The following HMGCLL1 variants were observed in gnomAD, a reference collection of about 807,000 sequenced individuals.
The protein encoded by HMGCLL1 is 3-hydroxy-3-methylglutaryl-CoA lyase like 1.
A neutral mutation model predicts 39.1 loss-of-function variants in HMGCLL1; 36 were observed. The observed-to-expected ratio is 0.92, with a 90% CI of 0.71 to 1.22. The LOEUF (loss-of-function observed/expected upper bound fraction) is 1.22. HMGCLL1 is among the 50% of genes most tolerant of loss of function. The pLI is 0.00. For synonymous variants in HMGCLL1, 149 were observed against 144.0 expected, an observed-to-expected ratio of 1.03 and a Z score of -0.25; for missense variants, 451 against 416.5, an observed-to-expected ratio of 1.08 and a Z score of -0.72.
At chr6:55,551,919 C>G (rs1770347892) in intron 1 of HMGCLL1, among the ~76,000 whole-genome samples, 1 of 151,894 alleles carries the variant, frequency 6.6e-6, no homozygotes, top group African/African-American at 2.4e-5. Flanking sequence ...AGAATTCTCT[C>G]AGTGCTATAT....
chr6:55,650,098 T>TACACAC, the HMGCLL1 span, among the ~76,000 whole-genome samples: 11 of 23,342 alleles, frequency 4.7e-4, no homozygotes, highest in African/African-American at 2.5e-3. Flanking sequence ...TACATATATA[T>TACACAC]ATATATATAT....
intron 7 of HMGCLL1, among the ~76,000 whole-genome samples, chr6:55,475,912 T>C (rs189304395): frequency 3.6e-4 from 55 of 151,844 alleles, no homozygotes; most frequent in Non-Finnish European, 6.9e-4. Flanking sequence ...TATGTCTGAA[T>C]TTCTTTCTCA....
chr6:55,525,382 C>T (rs1235258518), intron 3 of HMGCLL1, among the ~76,000 whole-genome samples: 2 of 151,928 alleles, frequency 1.3e-5, no homozygotes, highest in Non-Finnish European at 2.9e-5. Flanking sequence ...CTAAATGAAG[C>T]ATGAGTGAAG....
At chr6:55,592,822 T>C in the HMGCLL1 span, among the ~76,000 whole-genome samples, 53 of 152,048 alleles carry the variant, frequency 3.5e-4, no homozygotes, top group Admixed American at 1.3e-3. Flanking sequence ...TGAGACCATT[T>C]GAGCACAGAG....
At chr6:55,570,370 C>G (rs1236927744) in intron 1 of HMGCLL1, among the ~76,000 whole-genome samples, 1 of 152,158 alleles carries the variant, frequency 6.6e-6, no homozygotes, top group Non-Finnish European at 1.5e-5. Flanking sequence ...TCCTGTAACC[C>G]TCTCAAGGAG....
chr6:55,547,449 CT>C (rs147711766), intron 1 of HMGCLL1, among the ~76,000 whole-genome samples: 13 of 151,762 alleles, frequency 8.6e-5, no homozygotes, highest in African/African-American at 2.4e-4. Context: ...ACAAGTACTG[CT>C]TTTTTTTCCC....
chr6:55,650,084 C>CATATATAT, the HMGCLL1 span, among the ~76,000 whole-genome samples: 1 of 48,066 alleles, frequency 2.1e-5, no homozygotes, highest in Non-Finnish European at 4.0e-5. Context: ...TATACACACA[C>CATATATAT]ATATACATAT....
At chr6:55,668,370 T>G in the HMGCLL1 span, among the ~76,000 whole-genome samples, 1 of 151,904 alleles carries the variant, frequency 6.6e-6, no homozygotes, top group African/African-American at 2.4e-5. Flanking sequence ...CCAATAACCT[T>G]TTAAAAGCTT....
chr6:55,478,024 A>G (rs922493448), intron 7 of HMGCLL1, among the ~76,000 whole-genome samples: 1 of 150,628 alleles, frequency 6.6e-6, no homozygotes, highest in African/African-American at 2.5e-5. Context: ...TAACCTATAA[A>G]GCATCTGGGC....
chr6:55,620,047 T>G, the HMGCLL1 span, among the ~76,000 whole-genome samples: 1 of 152,296 alleles, frequency 6.6e-6, no homozygotes, highest in Admixed American at 6.5e-5. Flanking sequence ...AGTACTCCAT[T>G]GTGTATAAGT....
the HMGCLL1 span, among the ~76,000 whole-genome samples, chr6:55,616,807 CATT>C: frequency 1.3e-5 from 2 of 151,810 alleles, no homozygotes; most frequent in South Asian, 4.2e-4. Flanking sequence ...AAGAATAAAA[CATT>C]ATGAAACTTA....
intron 7 of HMGCLL1, among the ~76,000 whole-genome samples, chr6:55,453,717 G>C (rs1302841403): frequency 6.6e-6 from 1 of 152,190 alleles, no homozygotes; most frequent in Non-Finnish European, 1.5e-5. Flanking sequence ...TAGAAAATTA[G>C]TGCAATACAT....
At chr6:55,490,835 T>C (rs1295329156) in intron 7 of HMGCLL1, among the ~76,000 whole-genome samples, 1 of 152,078 alleles carries the variant, frequency 6.6e-6, no homozygotes, top group East Asian at 1.9e-4. Flanking sequence ...GATGCTTATA[T>C]TAATATAAAG....
the HMGCLL1 span, among the ~76,000 whole-genome samples, chr6:55,659,590 A>G: frequency 2.0e-5 from 3 of 151,898 alleles, no homozygotes; most frequent in Admixed American, 1.3e-4. Flanking sequence ...TATCTATCAT[A>G]CTTTTCCTTT....
intron 7 of HMGCLL1, among the ~76,000 whole-genome samples, chr6:55,443,359 G>A (rs1246129510): frequency 6.6e-6 from 1 of 152,108 alleles, no homozygotes; most frequent in Non-Finnish European, 1.5e-5. Flanking sequence ...CCCGAAATGT[G>A]GATGATTCAC....
rs145918776 is a variant in HMGCLL1 at position 55,465,334 on chromosome 6, A to G, written c.796-25775T>C. Among the ~76,000 whole-genome samples the G allele has an allele frequency of 1.5e-3, 227 of 152,184 alleles. 2 individuals are homozygous for G. The East Asian group carries it at 0.041, about 28-fold the overall frequency. On this transcript the variant is annotated intron_variant, in intron 7 of 8. Coordinates refer to ENST00000274901, the MANE Select transcript of HMGCLL1 (RefSeq NM_001042406.2). ...ATATAGCCATTACTTCACACACCCAAAATCAGTTATCTTTACTGCAAATGA... is the reference window on the plus strand; with the variant it reads ...ATATAGCCATTACTTCACACACCCAGAATCAGTTATCTTTACTGCAAATGA...
chr6:55,479,356 T>G (rs933502047), intron 7 of HMGCLL1, among the ~76,000 whole-genome samples: 1 of 151,576 alleles, frequency 6.6e-6, no homozygotes, highest in Non-Finnish European at 1.5e-5. Context: ...TTTATGCTTG[T>G]ATTTTGGTGC....
At chr6:55,492,612 G>A (rs763735717) in intron 7 of HMGCLL1, among the ~76,000 whole-genome samples, 17 of 152,166 alleles carry the variant, frequency 1.1e-4, no homozygotes, top group Non-Finnish European at 1.2e-4. Flanking sequence ...AGCTGATGGC[G>A]GAAAAGACAG....
At chr6:55,655,598 T>G in the HMGCLL1 span, among the ~76,000 whole-genome samples, 1 of 150,658 alleles carries the variant, frequency 6.6e-6, no homozygotes, top group African/African-American at 2.4e-5. Context: ...CAACTCAAGT[T>G]TCCTTACAAA....
Sources: gnomAD v4.1 joint callset for allele counts (sites outside exome capture counted in the v4.1 genomes callset) on GRCh38, gnomAD v4.1.1 for gene constraint, MANE v1.5 for transcripts, NCBI Gene and HGNC (gene_info 2026-07-23, HGNC 2026-07-21) for gene names.